Variants in POLR1D observed in about 807,000 individuals in gnomAD.
POLR1D encodes DNA-directed RNA polymerases I and III subunit RPAC2.
POLR1D carries 8 observed loss-of-function variants against 10.8 expected under a neutral mutation model. The ratio of observed to expected loss-of-function variants is 0.74; its 90% confidence interval spans 0.43 to 1.33. The LOEUF is 1.33. POLR1D is among the 40% of genes most tolerant of loss of function. POLR1D has a pLI of 0.01. For missense variants in POLR1D, 152 were observed against 161.7 expected (o/e 0.94, Z 0.32); for synonymous variants, 54 against 57.2 (o/e 0.94, Z 0.25).
At chr13:27,658,543 TA>T (rs1447762414) in intron 2 of POLR1D, among the ~76,000 whole-genome samples, 1 of 152,258 alleles carries the variant, frequency 6.6e-6, no homozygotes, top group African/African-American at 2.4e-5. Flanking sequence ...TGAGTGGTAT[TA>T]TTTTTTTCAT....
intron 2 of POLR1D, among the ~76,000 whole-genome samples, chr13:27,655,452 G>T (rs550787): frequency 6.6e-6 from 1 of 151,466 alleles, no homozygotes; most frequent in East Asian, 1.9e-4. Flanking sequence ...TATAGTGGTT[G>T]CCTTTTGTTT....
At chr13:27,648,676 G>C (rs1365209101) in intron 2 of POLR1D, among the ~76,000 whole-genome samples, 2 of 152,212 alleles carry the variant, frequency 1.3e-5, no homozygotes, top group Admixed American at 1.3e-4. Flanking sequence ...ACGCAGTATA[G>C]GTTCATTGTC....
At chr13:27,642,462 A>G (rs1316641336) in intron 1 of POLR1D, among the ~76,000 whole-genome samples, 1 of 152,102 alleles carries the variant, frequency 6.6e-6, no homozygotes, top group African/African-American at 2.4e-5. Flanking sequence ...TTATTTACCC[A>G]GTGACATACT....
At chr13:27,633,204 G>T (rs1490948077) in intron 1 of POLR1D, among the ~76,000 whole-genome samples, 2 of 152,148 alleles carry the variant, frequency 1.3e-5, no homozygotes, top group Admixed American at 1.3e-4. Flanking sequence ...TTCCAGAGGG[G>T]TCACCTGAGC....
At chr13:27,624,625 C>T (rs976244742), downstream of POLR1D, among the ~76,000 whole-genome samples, 3 of 152,012 alleles carry the variant, frequency 2.0e-5, no homozygotes, top group African/African-American at 7.3e-5. Flanking sequence ...TTGTGAGGCT[C>T]GGCATGGTGG....
chr13:27,624,887 C>CA (rs1248612850), downstream of POLR1D, among the ~76,000 whole-genome samples: 7 of 151,664 alleles, frequency 4.6e-5, no homozygotes, highest in Non-Finnish European at 8.8e-5. Context: ...GACCTTGTCT[C>CA]AAAAAAATAT....
At chr13:27,652,157 A>C (rs893057878) in intron 2 of POLR1D, among the ~76,000 whole-genome samples, 4 of 152,242 alleles carry the variant, frequency 2.6e-5, no homozygotes, top group Non-Finnish European at 5.9e-5. Flanking sequence ...TTTACAAGTG[A>C]GTAAGAAAAT....
chr13:27,643,888 A>G (rs1956196748), intron 1 of POLR1D, among the ~76,000 whole-genome samples: 1 of 152,192 alleles, frequency 6.6e-6, no homozygotes, highest in Admixed American at 6.5e-5. Context: ...CTTGTCACCA[A>G]GTCATGCTTG....
At chr13:27,641,291 C>A (rs1372603245) in intron 1 of POLR1D, among the ~76,000 whole-genome samples, 1 of 152,220 alleles carries the variant, frequency 6.6e-6, no homozygotes, top group Non-Finnish European at 1.5e-5. Flanking sequence ...AATTCCTACA[C>A]ATCTGGTGTT....
upstream of POLR1D, chr13:27,621,786 C>T (rs942808122): frequency 2.3e-6 from 1 of 437,228 alleles, no homozygotes; most frequent in Middle Eastern, 4.7e-4. Context: ...CGCGTCGGGG[C>T]GGGGGCTGGG....
At position 27,661,931 on chromosome 13, in the gene POLR1D, C is replaced by G. The variant is rs145564517; in HGVS notation, c.102-3755C>G. 2.1e-3 allele frequency among the ~76,000 whole-genome samples: 316 copies of G among 152,188 alleles called. 2 individuals carry two copies. The highest frequency in any genetic ancestry group is 7.2e-3 in the African/African-American group (298 of 41,516). ...GTAGTATGTAGTAGCCTCTTGATCC[C>G]GGTGGCAATGGAGAATTGAGATAGC... On this transcript the variant is annotated intron_variant, in intron 2 of 2. Coordinates refer to the POLR1D transcript ENST00000399697.
chr13:27,644,452 A>G (rs894510208), intron 1 of POLR1D, among the ~76,000 whole-genome samples: 5 of 152,242 alleles, frequency 3.3e-5, no homozygotes, highest in Non-Finnish European at 7.3e-5. Flanking sequence ...AGCATGTACC[A>G]GCTGGCTAAT....
chr13:27,626,886 C>A (rs772687301), downstream of POLR1D, among the ~76,000 whole-genome samples: 10 of 152,224 alleles, frequency 6.6e-5, no homozygotes, highest in Non-Finnish European at 1.2e-4. Flanking sequence ...CACAGGTTCA[C>A]ACAGAATCTC....
At chr13:27,639,523 A>G (rs1296034690) in intron 1 of POLR1D, among the ~76,000 whole-genome samples, 7 of 152,218 alleles carry the variant, frequency 4.6e-5, no homozygotes, top group African/African-American at 1.7e-4. Flanking sequence ...CTCAGGTTTT[A>G]TAATATGAAT....
chr13:27,662,429 A>G (rs936830991), intron 2 of POLR1D, among the ~76,000 whole-genome samples: 2 of 151,844 alleles, frequency 1.3e-5, no homozygotes, highest in Admixed American at 6.5e-5. Context: ...ATGAATGTTT[A>G]TATTAAATGG....
chr13:27,630,582 A>T (rs569358922), intron 1 of POLR1D, among the ~76,000 whole-genome samples: 1 of 152,158 alleles, frequency 6.6e-6, no homozygotes, highest in East Asian at 1.9e-4. Flanking sequence ...CACACTTCCT[A>T]TCTTATGAAT....
downstream of POLR1D, among the ~76,000 whole-genome samples, chr13:27,626,436 C>T (rs1399019366): frequency 1.3e-5 from 2 of 152,152 alleles, no homozygotes; most frequent in African/African-American, 4.8e-5. Context: ...TCATACAAAA[C>T]ACCTGCAGAA....
At chr13:27,647,053 T>C (rs1566149123) in intron 1 of POLR1D, among the ~76,000 whole-genome samples, 1 of 152,192 alleles carries the variant, frequency 6.6e-6, no homozygotes, top group Non-Finnish European at 1.5e-5. Context: ...GTTCTGTCTT[T>C]GGACTATATT....
downstream of POLR1D, among the ~76,000 whole-genome samples, chr13:27,627,727 GTT>G (rs57621806): frequency 4.2e-3 from 401 of 95,372 alleles, no homozygotes; most frequent in African/African-American, 0.012. Context: ...TAAAGTTTTA[GTT>G]TTTTTTTTTT....
Sources: allele counts gnomAD v4.1 joint callset (sites outside exome capture counted in the v4.1 genomes callset), GRCh38; gene constraint gnomAD v4.1.1; transcripts MANE v1.5; gene names NCBI Gene and HGNC (gene_info 2026-07-23, HGNC 2026-07-21).